Variants in PARVG observed in about 807,000 individuals in gnomAD.
PARVG encodes gamma-parvin.
A neutral mutation model predicts 44.4 loss-of-function variants in PARVG; 36 were observed. That is an observed-to-expected ratio of 0.81 (90% CI 0.62 to 1.07). The LOEUF (loss-of-function observed/expected upper bound fraction) is 1.07, where lower values mean the gene tolerates loss of function less well. Among genes scored for constraint, PARVG ranks in the 50% least tolerant of loss-of-function variants. PARVG has a pLI of 0.00. For synonymous variants in PARVG, 170 were observed against 174.1 expected (o/e 0.98, Z 0.19); for missense variants, 407 against 407.4 (o/e 1.00, Z 0.01).
At chr22:44,180,502 G>A (rs550374514), upstream of PARVG, among the ~76,000 whole-genome samples, 2 of 152,150 alleles carry the variant, frequency 1.3e-5, no homozygotes, top group South Asian at 2.1e-4. Context: ...TGCTACACAC[G>A]CCCCAGCAAA....
Position 44,196,411 on chromosome 22 carries a change from C to A in PARVG, c.707C>A (p.Thr236Asn), listed in dbSNP as rs769792681. 5 of 1,614,168 alleles carry A rather than the reference C, an allele frequency of 3.1e-6. No homozygotes were observed. The highest frequency in any genetic ancestry group is 2.5e-6 in the Non-Finnish European group (3 of 1,180,032). Residue 236 changes from threonine (T) to asparagine (N), a missense_variant, in exon 11 of 14, where the codon ACC becomes AAC. By Grantham distance (65) the Thr-to-Asn change is moderately conservative. Transcript: ENST00000444313. ...GGCCTGTCTGTGCAGAATCTGGACACCCAGGTAGGGACTGAGCTGCGGCGT... is the reference window on the plus strand; with the variant it reads ...GGCCTGTCTGTGCAGAATCTGGACAACCAGGTAGGGACTGAGCTGCGGCGT... ...RLGLSVQNLD[T>N]QFADGVILLL...
In PARVG at chr22:44,182,685, G is replaced by A. The variant is rs74704732; in HGVS notation, c.-12-633G>A. On this transcript the variant is annotated intron_variant, in intron 2 of 13. Coordinates refer to ENST00000444313, the MANE Select transcript of PARVG (RefSeq NM_022141.7). The surrounding 1 kb of genome is among the most constrained non-coding windows in gnomAD (Gnocchi z 4.6). ...AGAAGGCGCCAGCCGAGCCAGCGAA[G>A]CCTTCACAGGAGAGGAAGTGGGCCA... 4.5e-3 allele frequency among the ~76,000 whole-genome samples: 689 copies of A among 152,346 alleles called. 9 individuals are homozygous for A. The highest frequency in any genetic ancestry group is 0.015 in the African/African-American group (634 of 41,588).
At chr22:44,191,157 T>C (rs977569479) in intron 7 of PARVG, among the ~76,000 whole-genome samples, 1 of 152,172 alleles carries the variant, frequency 6.6e-6, no homozygotes, top group African/African-American at 2.4e-5. Flanking sequence ...CTGTCTAGCA[T>C]GCGGCCTGCC....
At chr22:44,190,504 G>A (rs573110724) in intron 6 of PARVG, 47 bp from the exon 7 acceptor site, 46 of 1,465,256 alleles carry the variant, frequency 3.1e-5, no homozygotes, top group African/African-American at 9.7e-5. Context: ...TTGGCTGCAC[G>A]TTTTGGCGGC....
upstream of PARVG, among the ~76,000 whole-genome samples, chr22:44,176,651 TTTTC>T (rs551885070): frequency 3.4e-3 from 524 of 151,968 alleles, 4 homozygotes; most frequent in African/African-American, 0.012. Flanking sequence ...AGGCTTTTTT[TTTTC>T]TTTTAACATT....
chr22:44,183,787 C>T, intron 3 of PARVG: 1 of 398,830 alleles, frequency 2.5e-6, no homozygotes, highest in Non-Finnish European at 4.4e-6. Context: ...GGTGACGTGC[C>T]ACAGTAACAG....
At chr22:44,180,492 T>C (rs2054360254), upstream of PARVG, among the ~76,000 whole-genome samples, 1 of 152,158 alleles carries the variant, frequency 6.6e-6, no homozygotes, top group Admixed American at 6.5e-5. Flanking sequence ...GGGCTGAGCC[T>C]GCTACACACG....
chr22:44,174,325 G>A (rs376380088), intron 1 of PARVG, among the ~76,000 whole-genome samples: 8 of 152,160 alleles, frequency 5.3e-5, no homozygotes, highest in African/African-American at 9.7e-5. Context: ...GCCAGTCTTC[G>A]AGAAGGAACA....
chr22:44,175,064 G>A (rs1476252630), intron 1 of PARVG, among the ~76,000 whole-genome samples: 1 of 152,270 alleles, frequency 6.6e-6, no homozygotes, highest in Non-Finnish European at 1.5e-5. Flanking sequence ...GGAGGTTTCA[G>A]TAAGCTGAGA....
At chr22:44,177,522 C>A (rs1391910384), upstream of PARVG, among the ~76,000 whole-genome samples, 1 of 152,108 alleles carries the variant, frequency 6.6e-6, no homozygotes, top group East Asian at 1.9e-4. Flanking sequence ...GCCCTTCAGT[C>A]TTTCCTTATG....
In PARVG at chr22:44,207,860, C is replaced by T. The variant is rs1415917851; in HGVS notation, c.*1434C>T. The T allele has an allele frequency of 6.6e-6, 1 of 152,292 alleles. No homozygotes were observed. Among genetic ancestry groups the T allele is most frequent in the Non-Finnish European group, 1.5e-5 (1 of 68,100 alleles). The allele number at this position is 152,292 out of a possible 1,614,324, so 9.4% of individuals were successfully genotyped here. ...AGCCCATAAGCGTGTTCCACGTGAGCACTCAGATGCACCCCTCTTCATGGA... is the reference window on the plus strand; with the variant it reads ...AGCCCATAAGCGTGTTCCACGTGAGTACTCAGATGCACCCCTCTTCATGGA... On this transcript the variant is annotated 3_prime_UTR_variant, in exon 14 of 14. Transcript: ENST00000444313.
chr22:44,175,081 C>A (rs1411951783), intron 1 of PARVG, among the ~76,000 whole-genome samples: 1 of 152,230 alleles, frequency 6.6e-6, no homozygotes, highest in African/African-American at 2.4e-5. Flanking sequence ...GAGACTGCAC[C>A]ATTGTATTCC....
At position 44,185,759 on chromosome 22, in the gene PARVG, A is replaced by G. The variant is rs766771614; in HGVS notation, c.80-49A>G. ...GGGTGACCTGCAGGGAGTGTGGCCA[A>G]GCGCCCCACAGGGTCCCCATGCGCT... On this transcript the variant is annotated intron_variant, in intron 3 of 13. Coordinates refer to ENST00000444313, the MANE Select transcript of PARVG (RefSeq NM_022141.7). The G allele has an allele frequency of 2.1e-5, 32 of 1,530,554 alleles. No homozygotes were observed. In the Admixed American group the frequency reaches 5.5e-4, roughly 26 times the overall value. The allele number at this position is 1,530,554 out of a possible 1,614,324, so 94.8% of individuals were successfully genotyped here.
chr22:44,196,434 C>A lies in PARVG; in HGVS notation c.711+19C>A. The stretch of plus-strand genomic sequence containing the variant: ...CACCCAGGTAGGGACTGAGCTGCGG[C>A]GTCCCCAGGCAGGGCAGGGCCACTG... On this transcript the variant is annotated intron_variant, in intron 11 of 13. Transcript: ENST00000444313. 1 of 1,613,752 alleles carries A rather than the reference C, an allele frequency of 6.2e-7. No individual in the cohort carries two copies. Among genetic ancestry groups the A allele is most frequent in the Non-Finnish European group, 8.5e-7 (1 of 1,179,854 alleles).
chr22:44,198,315 A>C (rs924395601), intron 11 of PARVG, among the ~76,000 whole-genome samples: 27 of 151,988 alleles, frequency 1.8e-4, no homozygotes, highest in African/African-American at 6.3e-4. Flanking sequence ...TTTACACTTA[A>C]CTCTGTTTTC....
chr22:44,208,438 C>T lies in PARVG; in HGVS notation c.*2012C>T, dbSNP rs1684137797. On this transcript the variant is annotated 3_prime_UTR_variant, in exon 14 of 14. Coordinates refer to ENST00000444313, the MANE Select transcript of PARVG (RefSeq NM_022141.7). ...TTCTGTCACCATCATTTAGACTTGT[C>T]TAGAATTTCTTATAAACTGTATCCT... 1 of 152,190 alleles carries T rather than the reference C, an allele frequency of 6.6e-6. No individual in the cohort carries two copies. Among genetic ancestry groups the T allele is most frequent in the Non-Finnish European group, 1.5e-5 (1 of 68,042 alleles). The allele number at this position is 152,190 out of a possible 1,614,324, so 9.4% of individuals were successfully genotyped here.
intron 12 of PARVG, among the ~76,000 whole-genome samples, chr22:44,203,803 T>A (rs1309776612): frequency 1.3e-5 from 2 of 152,216 alleles, no homozygotes; most frequent in East Asian, 3.9e-4. Context: ...GTCTGGACAG[T>A]CTCAGAGTTT....
At chr22:44,195,196 A>C (rs2054602322) in intron 9 of PARVG, among the ~76,000 whole-genome samples, 1 of 152,150 alleles carries the variant, frequency 6.6e-6, no homozygotes, top group African/African-American at 2.4e-5. Flanking sequence ...GCCTGAGGAC[A>C]TGAGGGGTTG....
chr22:44,173,297 T>A (rs2054287516), intron 1 of PARVG: 2 of 1,000,110 alleles, frequency 2.0e-6, no homozygotes. Context: ...GTGGTCTCCT[T>A]ACTTTTCATG....
Sources: allele counts gnomAD v4.1 joint callset (sites outside exome capture counted in the v4.1 genomes callset), GRCh38; gene constraint gnomAD v4.1.1; non-coding constraint Gnocchi (gnomAD v3.1); transcripts MANE v1.5; gene names NCBI Gene and HGNC (gene_info 2026-07-23, HGNC 2026-07-21).